Variants in PADI6 observed in about 807,000 individuals in gnomAD.
PADI6 encodes inactive protein-arginine deiminase type-6.
A neutral mutation model predicts 78.2 loss-of-function variants in PADI6; 66 were observed. That is an observed-to-expected ratio of 0.84 (90% CI 0.69 to 1.04). The LOEUF (loss-of-function observed/expected upper bound fraction) is 1.04. PADI6 is among the 50% of genes least tolerant of loss of function. The probability of loss-of-function intolerance (pLI) is 0.00; values close to 1 mark genes in which losing one functional copy is unlikely to be tolerated. For synonymous variants in PADI6, 397 were observed against 346.9 expected (o/e 1.14, Z -1.60); for missense variants, 854 against 866.1 (o/e 0.99, Z 0.18).
At chr1:17,381,350 T>C (rs552372746) in intron 5 of PADI6, among the ~76,000 whole-genome samples, 186 bp downstream of exon 5, 2 of 152,260 alleles carry the variant, frequency 1.3e-5, no homozygotes, top group African/African-American at 4.8e-5. Flanking sequence ...AGAAGTCACA[T>C]AGCCCCATGC....
chr1:17,396,463 G>A (rs1009746645), intron 13 of PADI6, among the ~76,000 whole-genome samples: 4 of 152,172 alleles, frequency 2.6e-5, no homozygotes, highest in African/African-American at 9.7e-5. Flanking sequence ...TACTCAAAGT[G>A]TTATCTGAGG....
rs543537116 is a variant in PADI6, at chr1:17,393,332, C to T, written c.1075-643C>T. ...GGTTATAGTTCAGGTTTTCAAAAGACCCCTCTGGCTAAGATGTAGGGAACA... is the reference window on the plus strand; with the variant it reads ...GGTTATAGTTCAGGTTTTCAAAAGATCCCTCTGGCTAAGATGTAGGGAACA... On this transcript the variant is annotated intron_variant, in intron 9 of 15. Transcript: ENST00000619609. Among the ~76,000 whole-genome samples the T allele has an allele frequency of 1.5e-3, 224 of 152,222 alleles. 1 individual carries two copies. Among genetic ancestry groups the T allele is most frequent in the Non-Finnish European group, 2.4e-3 (160 of 68,028 alleles).
chr1:17,372,445 G>A (rs1393847924), intron 1 of PADI6, 84 bp downstream of exon 1: 1 of 1,296,660 alleles, frequency 7.7e-7, no homozygotes. Context: ...TGGGAGTTGG[G>A]GGTTACTTCT....
chr1:17,380,200 T>G (rs545317977), intron 4 of PADI6, among the ~76,000 whole-genome samples: 15 of 152,294 alleles, frequency 9.8e-5, no homozygotes, highest in South Asian at 4.1e-4. Flanking sequence ...TTTTGTTTTT[T>G]TTTGTTTGTT....
chr1:17,394,675 A>C (rs986878502), intron 11 of PADI6, among the ~76,000 whole-genome samples: 1 of 152,138 alleles, frequency 6.6e-6, no homozygotes, highest in African/African-American at 2.4e-5. Flanking sequence ...AATTTGGTCC[A>C]CCAGGATGTC....
chr1:17,377,746 C>G (rs1001904350), intron 3 of PADI6, among the ~76,000 whole-genome samples: 38 of 152,190 alleles, frequency 2.5e-4, no homozygotes, highest in African/African-American at 8.4e-4. Flanking sequence ...CACTCCGGCT[C>G]GAGCCCCCAT....
chr1:17,391,398 C>T (rs1211610832), intron 8 of PADI6, among the ~76,000 whole-genome samples: 3 of 151,982 alleles, frequency 2.0e-5, no homozygotes, highest in Non-Finnish European at 4.4e-5. Flanking sequence ...TTCTGTATTT[C>T]TAGTAGAGAT....
chr1:17,391,640 C>T (rs2075185063), intron 8 of PADI6, among the ~76,000 whole-genome samples: 1 of 152,194 alleles, frequency 6.6e-6, no homozygotes, highest in Non-Finnish European at 1.5e-5. Context: ...GGGCTCAAGA[C>T]CCACCCAACG....
chr1:17,372,272 GTCCT>G lies in PADI6; in HGVS notation c.31_34del (p.Phe11ArgfsTer46), dbSNP rs1365297913. On this transcript the variant is annotated frameshift_variant, in exon 1 of 16. Coordinates refer to ENST00000619609, the MANE Select transcript of PADI6 (RefSeq NM_207421.4). LOFTEE classifies it high-confidence loss of function. ...TGGTCAGCGTGGAGGGCCGAGCCAT[GTCCT>G]TCCAGAGTATCATCCACCTGTCCCT... 6.2e-7 allele frequency: 1 copy of G among 1,613,888 alleles called. No individual in the cohort carries two copies. The highest frequency in any genetic ancestry group is 1.7e-5 in the Admixed American group (1 of 60,000).
chr1:17,393,808 GGA>G (rs774151662), intron 9 of PADI6, among the ~76,000 whole-genome samples, 165 bp from the exon 10 acceptor site: 1 of 152,174 alleles, frequency 6.6e-6, no homozygotes, highest in African/African-American at 2.4e-5. Context: ...GAAGAGTAGG[GGA>G]GAGAGGGATC....
intron 3 of PADI6, among the ~76,000 whole-genome samples, chr1:17,378,098 T>A (rs561767713): frequency 6.6e-6 from 1 of 152,192 alleles, no homozygotes; most frequent in South Asian, 2.1e-4. Flanking sequence ...TTACCCTAGA[T>A]GTTAACCCAG....
chr1:17,388,627 G>A (rs1243539338), intron 7 of PADI6, 68 bp downstream of exon 7: 1 of 1,492,270 alleles, frequency 6.7e-7, no homozygotes, highest in Middle Eastern at 1.8e-4. Context: ...ATCTCCCACA[G>A]TTGGGCAGAG....
Position 17,398,674 on chromosome 1 carries a change from A to ACCCCCCCCCCCCCCCCCCCCCCCCC in PADI6, c.1690-9_1690-8insCCCCCCCCCCCCCCCCCCCCCCCCC. ...CCCCCGCCCCCCCCCCCACCCACCC[A>ACCCCCCCCCCCCCCCCCCCCCCCCC]CCCACCCACAGAAGTGCATTCACCT... On this transcript the variant is annotated splice_polypyrimidine_tract_variant and intron_variant, in intron 14 of 15. Coordinates refer to ENST00000619609, the MANE Select transcript of PADI6 (RefSeq NM_207421.4). The ACCCCCCCCCCCCCCCCCCCCCCCCC allele has an allele frequency of 1.1e-5, 1 of 93,248 alleles. No individual in the cohort carries two copies. The highest frequency in any genetic ancestry group is 2.1e-5 in the Non-Finnish European group (1 of 48,704). The allele number at this position is 93,248 out of a possible 1,614,324, so 5.8% of individuals were successfully genotyped here. A position where few individuals can be genotyped will look rare whatever the true frequency, so the allele number is the denominator to read the frequency against.
intron 6 of PADI6, among the ~76,000 whole-genome samples, chr1:17,383,940 G>A (rs999546936): frequency 2.0e-5 from 3 of 152,156 alleles, no homozygotes; most frequent in Non-Finnish European, 4.4e-5. Flanking sequence ...CCTGAGGTCA[G>A]GAGTTCGAGA....
At position 17,381,131 on chromosome 1, in the gene PADI6, G is replaced by T; in HGVS notation, c.520G>T (p.Asp174Tyr). Residue 174 changes from aspartate to tyrosine, a missense_variant, in exon 5 of 16, where the codon GAC (aspartate) becomes TAC (tyrosine). Asp to Tyr is a radical substitution (Grantham distance 160). Coordinates refer to ENST00000619609, the MANE Select transcript of PADI6 (RefSeq NM_207421.4). ...TGCTGATGTGGGCCAGCAACTTGAG[G>T]ACAAGAAAACCAAGAAAGTGATCTT... ...NPADVGQQLE[D>Y]KKTKKVIFSE... 6.2e-7 allele frequency: 1 copy of T among 1,609,060 alleles called. No homozygotes were observed. The highest frequency in any genetic ancestry group is 8.5e-7 in the Non-Finnish European group (1 of 1,177,896).
intron 1 of PADI6, among the ~76,000 whole-genome samples, 188 bp from the exon 2 acceptor site, chr1:17,372,868 A>G (rs867716900): frequency 1.3e-5 from 2 of 148,824 alleles, no homozygotes; most frequent in Non-Finnish European, 1.5e-5. Context: ...TTTGGGCTGG[A>G]GCCCGTCGGA....
chr1:17,395,026 C>G lies in PADI6; in HGVS notation c.1413C>G (p.Leu471=). Residue 471 remains leucine, a synonymous_variant, in exon 12 of 16, where the codon CTC becomes CTG. Transcript: ENST00000619609. ...AGCAGGTCCAAGCGCCGGTGGAGCT[C>G]TACTCAGATTGGCTAATGACTGGCC... ...YAQQVQAPVE[L]YSDWLMTGHV... 1 of 1,613,932 alleles carries G rather than the reference C, an allele frequency of 6.2e-7. No individual in the cohort carries two copies. The highest frequency in any genetic ancestry group is 8.5e-7 in the Non-Finnish European group (1 of 1,179,940).
chr1:17,381,883 C>T (rs1241390744), intron 5 of PADI6, 84 bp from the exon 6 acceptor site: 42 of 1,527,044 alleles, frequency 2.8e-5, no homozygotes, highest in Admixed American at 3.5e-5. Context: ...TTCAAACTCC[C>T]GGCCCCTCTC....
At chr1:17,382,302 T>TG (rs768616046) in intron 6 of PADI6, among the ~76,000 whole-genome samples, 44 of 152,346 alleles carry the variant, frequency 2.9e-4, no homozygotes, top group Non-Finnish European at 3.1e-4. Flanking sequence ...GGTGAGTTAT[T>TG]GCACCTCTAA....
Sources: gnomAD v4.1 joint callset for allele counts (sites outside exome capture counted in the v4.1 genomes callset) on GRCh38, gnomAD v4.1.1 for gene constraint, MANE v1.5 for transcripts, NCBI Gene and HGNC (gene_info 2026-07-23, HGNC 2026-07-21) for gene names.